TTLL1: variants seen among roughly 807,000 people sequenced by gnomAD.
The protein encoded by TTLL1 is TTL family tubulin polyglutamylase complex subunit L1.
TTLL1 carries 33 observed loss-of-function variants against 47.8 expected under a neutral mutation model. That is an observed-to-expected ratio of 0.69 (90% CI 0.52 to 0.92). TTLL1 has a LOEUF of 0.92. TTLL1 is among the 40% of genes least tolerant of loss of function. The pLI is 0.00. For missense variants in TTLL1, 488 were observed against 547.5 expected, an observed-to-expected ratio of 0.89 and a Z score of 1.08; for synonymous variants, 225 against 214.1, an observed-to-expected ratio of 1.05 and a Z score of -0.45.
chr22:43,066,027 C>T (rs6003025), intron 5 of TTLL1, among the ~76,000 whole-genome samples: 14,142 of 151,296 alleles, frequency 0.093, 875 homozygotes, highest in African/African-American at 0.17. Flanking sequence ...GGTGTGGTGG[C>T]GGGTGCCTGT....
chr22:43,079,387 G>A (rs1326542115), intron 2 of TTLL1, among the ~76,000 whole-genome samples: 2 of 151,210 alleles, frequency 1.3e-5, no homozygotes, highest in African/African-American at 2.4e-5. Context: ...TGGGGACCAC[G>A]GGAGCTGCAT....
At chr22:43,044,598 C>T (rs1035150606) in intron 10 of TTLL1, among the ~76,000 whole-genome samples, 2 of 152,196 alleles carry the variant, frequency 1.3e-5, no homozygotes, top group Middle Eastern at 3.2e-3. Context: ...GATCCTAACA[C>T]ACCTACTCCT....
intron 3 of TTLL1, among the ~76,000 whole-genome samples, chr22:43,072,176 C>T (rs1392306801): frequency 2.2e-5 from 3 of 135,778 alleles, no homozygotes; most frequent in Middle Eastern, 4.0e-3. Context: ...TTTTTTGAGA[C>T]GGAGTCTTGC....
intron 3 of TTLL1, among the ~76,000 whole-genome samples, chr22:43,074,341 C>T (rs911539788): frequency 6.7e-6 from 1 of 149,112 alleles, no homozygotes; most frequent in African/African-American, 2.5e-5. Flanking sequence ...GCAGGAGAAT[C>T]GCTTGAACCC....
chr22:43,072,223 G>A (rs1928174500), intron 3 of TTLL1, among the ~76,000 whole-genome samples: 1 of 147,460 alleles, frequency 6.8e-6, no homozygotes, highest in Non-Finnish European at 1.5e-5. Context: ...GCGTGACCTC[G>A]GCTCACTGCA....
At chr22:43,069,391 C>CAAA (rs1303585838) in intron 4 of TTLL1, among the ~76,000 whole-genome samples, 1 of 60,016 alleles carries the variant, frequency 1.7e-5, no homozygotes, top group African/African-American at 5.3e-5. Context: ...GATTCTGTCT[C>CAAA]AAAAAAAAAA....
chr22:43,082,838 A>G (rs1464147145), intron 1 of TTLL1, among the ~76,000 whole-genome samples: 1 of 150,596 alleles, frequency 6.6e-6, no homozygotes, highest in Non-Finnish European at 1.5e-5. Flanking sequence ...ACATGGCGAA[A>G]CCCCGTCTCT....
intron 1 of TTLL1, among the ~76,000 whole-genome samples, chr22:43,084,962 CTTTTTT>C (rs148980685): frequency 1.8e-5 from 2 of 112,734 alleles, no homozygotes; most frequent in African/African-American, 7.5e-5. Flanking sequence ...AAGCTGCCAC[CTTTTTT>C]TTTTTTTTTT....
rs1181288016 is a variant in TTLL1, at chr22:43,039,700, A to C, written c.*76T>G. The C allele has an allele frequency of 1.4e-5, 21 of 1,480,400 alleles. No individual in the cohort carries two copies. The highest frequency in any genetic ancestry group is 1.9e-5 in the Non-Finnish European group (21 of 1,111,190). 91.7% of individuals were successfully genotyped at this position (1,480,400 alleles called of 1,614,324 possible). A position where few individuals can be genotyped will look rare whatever the true frequency, so the allele number is the denominator to read the frequency against. ...GCTTAGGAAAGGAAAAAAGCTCTAC[A>C]AAAGGGAAATTTCAAAATAGGGCTT... On this transcript the variant is annotated 3_prime_UTR_variant, in exon 11 of 11. Coordinates refer to ENST00000266254, the MANE Select transcript of TTLL1 (RefSeq NM_012263.5).
At chr22:43,064,725 CAAATAAATAAATAAGT>C (rs1569431461) in intron 5 of TTLL1, among the ~76,000 whole-genome samples, 1 of 151,868 alleles carries the variant, frequency 6.6e-6, no homozygotes, top group Non-Finnish European at 1.5e-5. Flanking sequence ...GACTCCATCT[CAAATAAATAAATAAGT>C]AAATAAATAA....
chr22:43,065,147 AAAAT>A (rs1469595056), intron 5 of TTLL1, among the ~76,000 whole-genome samples: 2 of 152,098 alleles, frequency 1.3e-5, no homozygotes, highest in African/African-American at 4.8e-5. Flanking sequence ...TCCATCTCAA[AAAAT>A]AAATAAATAA....
intron 4 of TTLL1, among the ~76,000 whole-genome samples, chr22:43,069,220 C>CAAAAAAA (rs66913313): frequency 1.4e-3 from 112 of 80,300 alleles, no homozygotes; most frequent in East Asian, 3.3e-3. Context: ...ACTAAAAATA[C>CAAAAAAA]AAAAAAAAAA....
At chr22:43,070,320 G>A (rs1017160512) in intron 3 of TTLL1, 15 of 689,452 alleles carry the variant, frequency 2.2e-5, no homozygotes, top group Non-Finnish European at 2.3e-6. Flanking sequence ...TGCTGAAGGG[G>A]CAAGTTGGGG....
intron 2 of TTLL1, among the ~76,000 whole-genome samples, chr22:43,075,823 C>A (rs193212170): frequency 5.3e-5 from 8 of 152,306 alleles, no homozygotes; most frequent in African/African-American, 1.9e-4. Flanking sequence ...GGATGCTGCT[C>A]GATGTCCGAC....
intron 9 of TTLL1, among the ~76,000 whole-genome samples, chr22:43,048,046 G>C: frequency 6.6e-6 from 1 of 152,074 alleles, no homozygotes; most frequent in East Asian, 1.9e-4. Flanking sequence ...GGCCGGGCGC[G>C]GTGGCTCATG....
chr22:43,059,666 T>G, intron 7 of TTLL1, 139 bp from the exon 8 acceptor site: 1 of 1,066,896 alleles, frequency 9.4e-7, no homozygotes, highest in South Asian at 1.7e-5. Flanking sequence ...TCCAGACCCC[T>G]GCCCCAGGGA....
rs551502756 is a variant in TTLL1, at chr22:43,062,448, G to A, written c.747+1365C>T. On this transcript the variant is annotated intron_variant, in intron 7 of 10. Coordinates refer to ENST00000266254, the MANE Select transcript of TTLL1 (RefSeq NM_012263.5). ...GGAGGTTGCAGTGAGCTGAGATCACGGCACTGCACTCCAGCCTGGCAACAG... is the reference window on the plus strand; with the variant it reads ...GGAGGTTGCAGTGAGCTGAGATCACAGCACTGCACTCCAGCCTGGCAACAG... Among the ~76,000 whole-genome samples, 4 of 150,068 alleles carry A rather than the reference G, an allele frequency of 2.7e-5. No homozygotes were observed. In the South Asian group the frequency reaches 8.5e-4, roughly 32 times the overall value.
At chr22:43,087,385 G>C (rs575031706) in intron 1 of TTLL1, among the ~76,000 whole-genome samples, 2 of 151,502 alleles carry the variant, frequency 1.3e-5, no homozygotes, top group Non-Finnish European at 2.9e-5. Context: ...TTAGCTGCGC[G>C]TGGTGGTGCA....
chr22:43,087,913 C>T (rs1159056134), intron 1 of TTLL1, among the ~76,000 whole-genome samples: 2 of 150,768 alleles, frequency 1.3e-5, no homozygotes, highest in Non-Finnish European at 2.9e-5. Context: ...TTTGGGAGGC[C>T]GAGGTGGGCG....
Sources: gnomAD v4.1 joint callset for allele counts (sites outside exome capture counted in the v4.1 genomes callset) on GRCh38, gnomAD v4.1.1 for gene constraint, MANE v1.5 for transcripts, NCBI Gene and HGNC (gene_info 2026-07-23, HGNC 2026-07-21) for gene names.